The following RTN1 variants were observed in gnomAD, a reference collection of about 807,000 sequenced individuals.
RTN1 encodes reticulon-1.
Under a neutral mutation model 65.5 loss-of-function variants are expected in RTN1, and 25 were observed. The ratio of observed to expected loss-of-function variants is 0.38; its 90% confidence interval spans 0.28 to 0.53. The LOEUF is 0.53. RTN1 is among the 20% of genes least tolerant of loss of function. RTN1 has a pLI of 0.79. For synonymous variants in RTN1, 471 were observed against 447.6 expected, an observed-to-expected ratio of 1.05 and a Z score of -0.66; for missense variants, 983 against 1,025.4, an observed-to-expected ratio of 0.96 and a Z score of 0.57.
intron 3 of RTN1, among the ~76,000 whole-genome samples, chr14:59,685,501 AG>A (rs1883828480): frequency 6.6e-6 from 1 of 152,242 alleles, no homozygotes; most frequent in East Asian, 1.9e-4. Context: ...TACAAAAATG[AG>A]TAGCATTTCT....
At chr14:59,749,370 CTATATATCTATATCTATATATATCTA>C (rs1566711662) in intron 1 of RTN1, among the ~76,000 whole-genome samples, 1 of 30,342 alleles carries the variant, frequency 3.3e-5, no homozygotes, top group Non-Finnish European at 5.1e-5. Context: ...ATATATATAT[CTATATATCTATATCTATATATATCTA>C]TATATATCTA....
chr14:59,630,555 G>A (rs763245109), intron 3 of RTN1: 2 of 1,609,584 alleles, frequency 1.2e-6, no homozygotes, highest in Non-Finnish European at 8.5e-7. Flanking sequence ...GGCGCCGAGC[G>A]TGCACTCAAG....
At chr14:59,669,778 C>G (rs1051637624) in intron 3 of RTN1, among the ~76,000 whole-genome samples, 12 of 151,964 alleles carry the variant, frequency 7.9e-5, no homozygotes, top group African/African-American at 2.9e-4. Context: ...TAGTGAATAA[C>G]CTTAAGGTTC....
At chr14:59,838,620 C>G (rs1422804629) in intron 1 of RTN1, among the ~76,000 whole-genome samples, 1 of 152,118 alleles carries the variant, frequency 6.6e-6, no homozygotes, top group Non-Finnish European at 1.5e-5. Context: ...CTACACAGTA[C>G]ACAGAAGATG....
intron 1 of RTN1, among the ~76,000 whole-genome samples, chr14:59,756,879 C>T (rs1405547185): frequency 2.9e-5 from 4 of 138,628 alleles, no homozygotes; most frequent in Non-Finnish European, 6.1e-5. Flanking sequence ...GGCTGGAGTG[C>T]AGTGGTACCA....
chr14:59,645,045 G>A (rs1161551397), intron 3 of RTN1, among the ~76,000 whole-genome samples: 1 of 152,162 alleles, frequency 6.6e-6, no homozygotes, highest in African/African-American at 2.4e-5. Context: ...ACTAGGGACT[G>A]GGGCAGTTCC....
chr14:59,728,978 T>C (rs887900321), intron 2 of RTN1, among the ~76,000 whole-genome samples: 4 of 152,148 alleles, frequency 2.6e-5, no homozygotes, highest in African/African-American at 9.7e-5. Flanking sequence ...TGTTAAGTGT[T>C]ATGGAAAAAA....
intron 3 of RTN1, chr14:59,630,851 G>T: frequency 2.0e-6 from 2 of 998,722 alleles, no homozygotes; most frequent in Non-Finnish European, 2.4e-6. Flanking sequence ...TGGGTGGGAG[G>T]TTTGGGAGGA....
intron 1 of RTN1, among the ~76,000 whole-genome samples, chr14:59,853,863 C>CTTTT (rs71111670): frequency 7.9e-6 from 1 of 126,694 alleles, no homozygotes; most frequent in African/African-American, 2.9e-5. Flanking sequence ...TAAACTTTTA[C>CTTTT]TTTTTTTTTT....
intron 1 of RTN1, among the ~76,000 whole-genome samples, chr14:59,853,996 C>G (rs1887556814): frequency 2.0e-5 from 3 of 151,490 alleles, no homozygotes. Context: ...TCACAAGTAG[C>G]TGGGACTATA....
intron 3 of RTN1, among the ~76,000 whole-genome samples, chr14:59,723,878 C>T: frequency 6.6e-6 from 1 of 152,138 alleles, no homozygotes; most frequent in Admixed American, 6.5e-5. Context: ...GATTTCCCAA[C>T]AGGTGTCCCC....
At chr14:59,709,950 C>T (rs937834510) in intron 3 of RTN1, among the ~76,000 whole-genome samples, 5 of 152,100 alleles carry the variant, frequency 3.3e-5, no homozygotes, top group African/African-American at 9.6e-5. Flanking sequence ...GGGCTGAACA[C>T]CTTCCTTTTT....
chr14:59,701,526 G>A (rs749836441), intron 3 of RTN1, among the ~76,000 whole-genome samples: 2 of 152,150 alleles, frequency 1.3e-5, no homozygotes, highest in African/African-American at 2.4e-5. Context: ...CTATAACATG[G>A]ATGAACCCTG....
At chr14:59,617,171 T>A (rs1301089737) in intron 3 of RTN1, among the ~76,000 whole-genome samples, 3 of 152,244 alleles carry the variant, frequency 2.0e-5, no homozygotes, top group African/African-American at 4.8e-5. Flanking sequence ...AGTTGACTTA[T>A]AAAGCCAATT....
intron 1 of RTN1, among the ~76,000 whole-genome samples, chr14:59,763,789 C>T (rs913099170): frequency 2.0e-5 from 3 of 152,136 alleles, no homozygotes; most frequent in African/African-American, 7.2e-5. Context: ...CCTCGGCCTC[C>T]CAAAGTGCTG....
intron 4 of RTN1, 29 bp from the exon 5 acceptor site, chr14:59,605,535 T>C (rs1290170671): frequency 6.2e-7 from 1 of 1,612,046 alleles, no homozygotes; most frequent in Non-Finnish European, 8.5e-7. Context: ...CACAGAAAAT[T>C]CCGTCAGAGG....
At chr14:59,856,824 T>C (rs1209618954) in intron 1 of RTN1, among the ~76,000 whole-genome samples, 1 of 152,210 alleles carries the variant, frequency 6.6e-6, no homozygotes, top group African/African-American at 2.4e-5. Context: ...TTCCTATTAA[T>C]AGTACCTTAT....
intron 1 of RTN1, among the ~76,000 whole-genome samples, chr14:59,751,675 A>T (rs1489375388): frequency 2.0e-5 from 3 of 151,970 alleles, no homozygotes; most frequent in Non-Finnish European, 4.4e-5. Flanking sequence ...TATCATCCAA[A>T]TCTCACTCAA....
intron 3 of RTN1, among the ~76,000 whole-genome samples, chr14:59,709,535 G>A (rs1884371146): frequency 1.3e-5 from 2 of 152,158 alleles, no homozygotes; most frequent in Non-Finnish European, 2.9e-5. Flanking sequence ...ACTTTAGAAA[G>A]CACGTCAATG....
Sources: gnomAD v4.1 joint callset for allele counts (sites outside exome capture counted in the v4.1 genomes callset) on GRCh38, gnomAD v4.1.1 for gene constraint, MANE v1.5 for transcripts, NCBI Gene and HGNC (gene_info 2026-07-23, HGNC 2026-07-21) for gene names.